Variants in PADI3 observed in about 807,000 individuals in gnomAD.
PADI3 encodes the protein protein-arginine deiminase type-3.
In PADI3, 53 loss-of-function variants were observed where a neutral mutation model predicts 71.5. That is an observed-to-expected ratio of 0.74 (90% confidence interval 0.59 to 0.93). PADI3 has a LOEUF of 0.93. Ranked by LOEUF, PADI3 falls within the 40% of genes least tolerant of loss-of-function variation. The probability of loss-of-function intolerance (pLI) is 0.00; values close to 1 mark genes in which losing one functional copy is unlikely to be tolerated. For missense variants in PADI3, 821 were observed against 868.0 expected, an observed-to-expected ratio of 0.95 and a Z score of 0.68; for synonymous variants, 361 against 347.5, an observed-to-expected ratio of 1.04 and a Z score of -0.43.
chr1:17,274,684 G>A lies in PADI3; in HGVS notation c.1205G>A (p.Ser402Asn), dbSNP rs781420826. 1.9e-6 allele frequency: 3 copies of A among 1,613,716 alleles called. No homozygotes were observed. The highest frequency in any genetic ancestry group is 2.2e-5 in the East Asian group (1 of 44,868). Residue 402 changes from serine (S) to asparagine (N), a missense_variant, in exon 11 of 16, where the codon AGT (serine) becomes AAT (asparagine). Ser to Asn is a conservative substitution (Grantham distance 46). Coordinates refer to ENST00000375460, the MANE Select transcript of PADI3 (RefSeq NM_016233.2). ...VTREPRDRSVSGLDSFGNLEV... is the reference protein window; with the variant it reads ...VTREPRDRSVNGLDSFGNLEV... ...CGGGAACCACGCGACAGGTCTGTGA[G>A]TGGCCTGGACTCCTTTGGGAACCTG...
chr1:17,249,293 T>G, intron 1 of PADI3, 64 bp downstream of exon 1: 4 of 1,363,424 alleles, frequency 2.9e-6, no homozygotes, highest in Non-Finnish European at 4.2e-6. Context: ...CCTTCCTCCC[T>G]GCAGGCTGGG....
chr1:17,276,903 T>A, intron 13 of PADI3, 27 bp downstream of exon 13: 1 of 1,572,632 alleles, frequency 6.4e-7, no homozygotes, highest in South Asian at 1.1e-5. Context: ...TGTCCCTCCT[T>A]GCGGCTTGCC....
chr1:17,270,846 C>T (rs1351381460), intron 7 of PADI3, 33 bp from the exon 8 acceptor site: 2 of 1,523,772 alleles, frequency 1.3e-6, no homozygotes, highest in Admixed American at 1.7e-5. Context: ...ACTCCAAGTC[C>T]AGTGCTCTTT....
At chr1:17,282,120 G>A (rs1241724674) in intron 15 of PADI3, among the ~76,000 whole-genome samples, 3 of 151,950 alleles carry the variant, frequency 2.0e-5, no homozygotes, top group Admixed American at 6.6e-5. Flanking sequence ...CTTCCTGTTC[G>A]AGGCTATCTT....
At chr1:17,275,862 T>TA (rs1287997138) in intron 11 of PADI3, among the ~76,000 whole-genome samples, 1 of 152,214 alleles carries the variant, frequency 6.6e-6, no homozygotes, top group Non-Finnish European at 1.5e-5. Flanking sequence ...TGCCCTTAGA[T>TA]ACATTTTCGT....
intron 7 of PADI3, among the ~76,000 whole-genome samples, chr1:17,270,652 C>T (rs1323759861): frequency 6.6e-6 from 1 of 151,864 alleles, no homozygotes; most frequent in East Asian, 1.9e-4. Flanking sequence ...ACCCTGTCTC[C>T]AAAAAATAAT....
At chr1:17,268,753 C>T (rs954105429) in intron 6 of PADI3, among the ~76,000 whole-genome samples, 10 of 151,922 alleles carry the variant, frequency 6.6e-5, no homozygotes, top group Admixed American at 1.3e-4. Context: ...GTGATCTGCC[C>T]GCCTCGGCCT....
rs547202418 is a variant in PADI3 at position 17,256,668 on chromosome 1, A to G, written c.93-2910A>G. ...GGTTTTCATACCAGAAGGACCATCA[A>G]GGGCGCTCAGCCCTTGCCCATGGAC... On this transcript the variant is annotated intron_variant, in intron 1 of 15. Coordinates refer to ENST00000375460, the MANE Select transcript of PADI3 (RefSeq NM_016233.2). 6.6e-5 allele frequency among the ~76,000 whole-genome samples: 10 copies of G among 152,320 alleles called. No individual in the cohort carries two copies. In the South Asian group the frequency reaches 2.1e-3, roughly 32 times the overall value.
intron 10 of PADI3, among the ~76,000 whole-genome samples, 155 bp from the exon 11 acceptor site, chr1:17,274,480 G>A (rs1476402101): frequency 6.6e-6 from 1 of 152,168 alleles, no homozygotes; most frequent in Non-Finnish European, 1.5e-5. Flanking sequence ...TATTGACTGG[G>A]TCAGATCCCC....
chr1:17,251,180 GCTC>G (rs1228455324), intron 1 of PADI3, among the ~76,000 whole-genome samples: 1 of 152,244 alleles, frequency 6.6e-6, no homozygotes, highest in Non-Finnish European at 1.5e-5. Flanking sequence ...AGAACAAGCA[GCTC>G]CTCCTCTCTG....
intron 1 of PADI3, among the ~76,000 whole-genome samples, chr1:17,256,968 G>T (rs1385064902): frequency 6.8e-6 from 1 of 146,676 alleles, no homozygotes; most frequent in Non-Finnish European, 1.5e-5. Context: ...GGAGGTGGAG[G>T]TTGCAGTGAG....
In PADI3 at chr1:17,276,576, G is replaced by A. The variant is rs775508629; in HGVS notation, c.1365G>A (p.Val455=). 5.9e-5 allele frequency: 95 copies of A among 1,614,078 alleles called. No homozygotes were observed. Among genetic ancestry groups the A allele is most frequent in the Non-Finnish European group, 7.5e-5 (88 of 1,180,046 alleles). ...VVRDFLHAQK[V]QPPVELFVDW... ...GGGACTTCCTCCATGCCCAGAAGGT[G>A]CAGCCCCCCGTGGAGCTCTTTGTGG... Residue 455 remains valine, a synonymous_variant, in exon 12 of 16, where the codon GTG becomes GTA. Coordinates refer to ENST00000375460, the MANE Select transcript of PADI3 (RefSeq NM_016233.2).
chr1:17,256,414 A>G (rs1569879364), intron 1 of PADI3, among the ~76,000 whole-genome samples: 1 of 152,200 alleles, frequency 6.6e-6, no homozygotes, highest in Non-Finnish European at 1.5e-5. Context: ...TCCCAGCACC[A>G]CCTGAGCCCT....
Position 17,266,711 on chromosome 1 carries a change from A to T in PADI3, c.409-8A>T. On this transcript the variant is annotated splice_polypyrimidine_tract_variant and splice_region_variant and intron_variant, in intron 4 of 15. Transcript: ENST00000375460. The stretch of plus-strand genomic sequence containing the variant: ...CCCTCATCACTGGCTATGTTTTGTC[A>T]TTGGCAGCGGCAGTGGGTCTGGGGG... 1 of 1,612,168 alleles carries T rather than the reference A, an allele frequency of 6.2e-7. No homozygotes were observed. Among genetic ancestry groups the T allele is most frequent in the Non-Finnish European group, 8.5e-7 (1 of 1,178,278 alleles).
chr1:17,271,001 G>C lies in PADI3; in HGVS notation c.935+19G>C. 1 of 1,613,552 alleles carries C rather than the reference G, an allele frequency of 6.2e-7. No homozygotes were observed. Among genetic ancestry groups the C allele is most frequent in the South Asian group, 1.1e-5 (1 of 91,064 alleles). On this transcript the variant is annotated intron_variant, in intron 8 of 15. Transcript: ENST00000375460. ...TGTGCCGGTGAGTCTTGGGGCAGTGGGTGGTCCCTCTGGCCCCCAGGCCCC... is the reference window on the plus strand; with the variant it reads ...TGTGCCGGTGAGTCTTGGGGCAGTGCGTGGTCCCTCTGGCCCCCAGGCCCC...
intron 2 of PADI3, among the ~76,000 whole-genome samples, chr1:17,261,033 A>T (rs1210836857): frequency 6.6e-6 from 1 of 152,196 alleles, no homozygotes; most frequent in African/African-American, 2.4e-5. Context: ...TGAGGCAAGC[A>T]TCACTGCTGG....
chr1:17,255,979 C>A (rs1276640593), intron 1 of PADI3, among the ~76,000 whole-genome samples: 1 of 152,162 alleles, frequency 6.6e-6, no homozygotes, highest in Non-Finnish European at 1.5e-5. Flanking sequence ...GATCAAGAAC[C>A]AGCGCTGGCT....
intron 15 of PADI3, among the ~76,000 whole-genome samples, chr1:17,281,527 C>T (rs1001225045): frequency 6.6e-6 from 1 of 151,838 alleles, no homozygotes; most frequent in South Asian, 2.1e-4. Flanking sequence ...TCACTGCAAC[C>T]TCAGCCTCCA....
chr1:17,280,792 A>T lies in PADI3; in HGVS notation c.1757A>T (p.Asp586Val). 6.2e-7 allele frequency: 1 copy of T among 1,613,988 alleles called. No homozygotes were observed. The highest frequency in any genetic ancestry group is 8.5e-7 in the Non-Finnish European group (1 of 1,179,904). ...AAAAAAGCAACGGCCTTCTTCCCTG[A>T]CTTGGTGAGGGCACTACCCATGACT... ...ERKKATAFFP[D>V]LVNMLVLGKH... Residue 586 changes from aspartate to valine, a missense_variant, in exon 15 of 16, where the codon GAC (aspartate) becomes GTC (valine). Asp to Val is a radical substitution (Grantham distance 152). Transcript: ENST00000375460.
Sources: allele counts gnomAD v4.1 joint callset (sites outside exome capture counted in the v4.1 genomes callset), GRCh38; gene constraint gnomAD v4.1.1; transcripts MANE v1.5; gene names NCBI Gene and HGNC (gene_info 2026-07-23, HGNC 2026-07-21).